Variants in KCNJ6 observed in about 807,000 individuals in gnomAD.
KCNJ6 encodes G protein-activated inward rectifier potassium channel 2.
A neutral mutation model predicts 34.2 loss-of-function variants in KCNJ6; 9 were observed. The observed-to-expected ratio is 0.26, with a 90% confidence interval of 0.16 to 0.46. KCNJ6 has a LOEUF of 0.46. Among genes scored for constraint, KCNJ6 ranks in the 20% least tolerant of loss-of-function variants. The pLI is 1.00. For synonymous variants in KCNJ6, 196 were observed against 207.1 expected (o/e 0.95, Z 0.46); for missense variants, 236 against 531.3 (o/e 0.44, Z 5.46).
chr21:37,781,474 C>G (rs1215181768), intron 2 of KCNJ6, among the ~76,000 whole-genome samples: 2 of 152,030 alleles, frequency 1.3e-5, no homozygotes, highest in Non-Finnish European at 2.9e-5. Context: ...TCACTAATGA[C>G]AAAGAGATAA....
intron 3 of KCNJ6, among the ~76,000 whole-genome samples, chr21:37,656,352 G>A (rs892186475): frequency 6.6e-6 from 1 of 152,192 alleles, no homozygotes; most frequent in Admixed American, 6.5e-5. Flanking sequence ...CCTCATGAAT[G>A]CTAAGGGGCT....
intron 1 of KCNJ6, among the ~76,000 whole-genome samples, chr21:37,856,336 C>T (rs1386955417): frequency 6.6e-6 from 1 of 152,210 alleles, no homozygotes; most frequent in Non-Finnish European, 1.5e-5. Flanking sequence ...TCCTTCTTAG[C>T]TCTTCCACCA....
At chr21:37,853,055 A>T (rs1037777763) in intron 1 of KCNJ6, among the ~76,000 whole-genome samples, 34 of 151,764 alleles carry the variant, frequency 2.2e-4, no homozygotes, top group African/African-American at 7.5e-4. Flanking sequence ...AAGATCAAAC[A>T]TTTATGACAC....
At chr21:37,734,982 A>G (rs1175344016) in intron 2 of KCNJ6, among the ~76,000 whole-genome samples, 1 of 152,076 alleles carries the variant, frequency 6.6e-6, no homozygotes, top group Non-Finnish European at 1.5e-5. Flanking sequence ...GCACACCCCC[A>G]CTATGCCTTC....
At chr21:37,813,365 C>T (rs532762237) in intron 2 of KCNJ6, among the ~76,000 whole-genome samples, 2 of 152,206 alleles carry the variant, frequency 1.3e-5, no homozygotes, top group African/African-American at 4.8e-5. Flanking sequence ...TATTCCCTAT[C>T]AAAATACCAA....
At position 37,618,706 on chromosome 21, in the gene KCNJ6, G is replaced by C. The variant is rs1363300016; in HGVS notation, c.*6453C>G. Reference sequence around the variant, plus strand: ...TTGGGATTTGCATCTAGGGGGTATAGTGTCTAAAAATAACTCTATAAATAC... The same window carrying C: ...TTGGGATTTGCATCTAGGGGGTATACTGTCTAAAAATAACTCTATAAATAC... On this transcript the variant is annotated 3_prime_UTR_variant, in exon 4 of 4. Transcript: ENST00000609713. The C allele has an allele frequency of 6.6e-6, 1 of 152,192 alleles. No individual in the cohort carries two copies. Among genetic ancestry groups the C allele is most frequent in the African/African-American group, 2.4e-5 (1 of 41,440 alleles). 9.4% of individuals were successfully genotyped at this position (152,192 alleles called of 1,614,324 possible).
chr21:37,609,582 G>A lies in KCNJ6; in HGVS notation c.*15577C>T, dbSNP rs980403241. On this transcript the variant is annotated 3_prime_UTR_variant, in exon 4 of 4. Transcript: ENST00000609713. The stretch of plus-strand genomic sequence containing the variant: ...AGACAAATACAATGAATTATCTTAT[G>A]ATTAATAATGAAAAGTGGCCACTAT... 2.6e-5 allele frequency: 4 copies of A among 152,106 alleles called. No homozygotes were observed. The highest frequency in any genetic ancestry group is 5.9e-5 in the Non-Finnish European group (4 of 68,020). 9.4% of individuals were successfully genotyped at this position (152,106 alleles called of 1,614,324 possible).
chr21:37,657,516 G>C (rs1162927585), intron 3 of KCNJ6, among the ~76,000 whole-genome samples: 2 of 152,104 alleles, frequency 1.3e-5, no homozygotes, highest in Non-Finnish European at 2.9e-5. Context: ...AATAGTTCCT[G>C]CTCTTCCTTA....
chr21:37,626,737 CA>C (rs1349150524), intron 3 of KCNJ6, among the ~76,000 whole-genome samples: 1 of 152,094 alleles, frequency 6.6e-6, no homozygotes, highest in African/African-American at 2.4e-5. Context: ...CTCCATTAGG[CA>C]AAAAGGCGTG....
chr21:37,692,245 G>A (rs532679255), intron 3 of KCNJ6, among the ~76,000 whole-genome samples: 4 of 152,096 alleles, frequency 2.6e-5, no homozygotes, highest in South Asian at 4.2e-4. Context: ...AACAAAAAAC[G>A]TAGAGTGGCA....
intron 3 of KCNJ6, among the ~76,000 whole-genome samples, chr21:37,690,960 T>C (rs1405536942): frequency 6.6e-6 from 1 of 152,010 alleles, no homozygotes; most frequent in Admixed American, 6.6e-5. Context: ...TTTGGTATTT[T>C]TAGAAGAGAC....
Position 37,832,108 on chromosome 21 carries a change from A to G in KCNJ6, c.25+8550T>C, listed in dbSNP as rs74502913. ...AGCTCATTAGACAATAATCAGAAATAAAACATCACAGCCATGTCTTAAAAT... is the reference window on the plus strand; with the variant it reads ...AGCTCATTAGACAATAATCAGAAATGAAACATCACAGCCATGTCTTAAAAT... On this transcript the variant is annotated intron_variant, in intron 2 of 3. Coordinates refer to ENST00000609713, the MANE Select transcript of KCNJ6 (RefSeq NM_002240.5). Among the ~76,000 whole-genome samples, 1,434 of 152,086 alleles carry G rather than the reference A, an allele frequency of 9.4e-3. 26 individuals carry two copies. Among genetic ancestry groups the G allele is most frequent in the African/African-American group, 0.033 (1,362 of 41,358 alleles).
At chr21:37,878,385 C>G (rs1050680393) in intron 1 of KCNJ6, among the ~76,000 whole-genome samples, 2 of 152,174 alleles carry the variant, frequency 1.3e-5, no homozygotes, top group African/African-American at 2.4e-5. Context: ...AAGCAAATAG[C>G]TTTGCAGAAT....
chr21:37,907,301 C>T (rs1037573665), intron 1 of KCNJ6, among the ~76,000 whole-genome samples: 6 of 152,116 alleles, frequency 3.9e-5, no homozygotes, highest in Admixed American at 1.3e-4. Context: ...ACACAAGGTT[C>T]GTGTAGGGAC....
At chr21:37,658,852 A>T (rs2054475913) in intron 3 of KCNJ6, among the ~76,000 whole-genome samples, 1 of 152,244 alleles carries the variant, frequency 6.6e-6, no homozygotes, top group African/African-American at 2.4e-5. Context: ...TCCAATGCCC[A>T]GGCTGGTCCT....
At chr21:37,875,467 A>G (rs2055673427) in intron 1 of KCNJ6, among the ~76,000 whole-genome samples, 2 of 152,146 alleles carry the variant, frequency 1.3e-5, no homozygotes, top group Admixed American at 1.3e-4. Context: ...CAGAGTGAGC[A>G]GCCAGGGCGC....
chr21:37,853,852 A>G (rs1429862149), intron 1 of KCNJ6, among the ~76,000 whole-genome samples: 2 of 141,132 alleles, frequency 1.4e-5, no homozygotes, highest in African/African-American at 5.5e-5. Context: ...ATATGTATAT[A>G]TATATATATA....
At position 37,616,588 on chromosome 21, in the gene KCNJ6, T is replaced by TACATATATATATATATATAC. The variant is rs2054267622; in HGVS notation, c.*8570_*8571insGTATATATATATATATATGT. ...GCAATTATGAAGCAGGAACAAAATG[T>TACATATATATATATATATAC]ACATATATATATATATATATATATA... On this transcript the variant is annotated 3_prime_UTR_variant, in exon 4 of 4. Coordinates refer to ENST00000609713, the MANE Select transcript of KCNJ6 (RefSeq NM_002240.5). The TACATATATATATATATATAC allele has an allele frequency of 2.3e-5, 1 of 42,718 alleles. No individual in the cohort carries two copies. The highest frequency in any genetic ancestry group is 1.2e-4 in the African/African-American group (1 of 8,220). The allele number at this position is 42,718 out of a possible 1,614,324, so 2.6% of individuals were successfully genotyped here.
intron 3 of KCNJ6, among the ~76,000 whole-genome samples, chr21:37,703,591 GA>G (rs1217193856): frequency 2.6e-5 from 4 of 152,148 alleles, no homozygotes; most frequent in Non-Finnish European, 4.4e-5. Flanking sequence ...TTCATTATAA[GA>G]AGAGACCCTG....
Sources: allele counts gnomAD v4.1 joint callset (sites outside exome capture counted in the v4.1 genomes callset), GRCh38; gene constraint gnomAD v4.1.1; transcripts MANE v1.5; gene names NCBI Gene and HGNC (gene_info 2026-07-23, HGNC 2026-07-21).